FAM200B: variants seen among roughly 807,000 people sequenced by gnomAD.
The protein encoded by FAM200B is zinc finger BED-type containing 11.
In FAM200B, 32 loss-of-function variants were observed where a neutral mutation model predicts 33.1. That is an observed-to-expected ratio of 0.97 (90% confidence interval 0.73 to 1.30). The LOEUF is 1.30. FAM200B is among the 50% of genes most tolerant of loss of function. The probability of loss-of-function intolerance (pLI) is 0.00; values close to 1 mark genes in which losing one functional copy is unlikely to be tolerated. For missense variants in FAM200B, 741 were observed against 754.0 expected, an observed-to-expected ratio of 0.98 and a Z score of 0.20; for synonymous variants, 240 against 264.8, an observed-to-expected ratio of 0.91 and a Z score of 0.91.
At chr4:15,682,888 G>T (rs999298439) in intron 1 of FAM200B, among the ~76,000 whole-genome samples, 2 of 152,218 alleles carry the variant, frequency 1.3e-5, no homozygotes, top group Admixed American at 6.5e-5. Flanking sequence ...GTACTGAAAT[G>T]TAGAATGTAT....
chr4:15,663,649 T>G, the FAM200B span, among the ~76,000 whole-genome samples: 1 of 152,056 alleles, frequency 6.6e-6, no homozygotes, highest in South Asian at 2.1e-4. Context: ...TGGTGGAGAT[T>G]AAATGAGATT....
In FAM200B at chr4:15,686,942, A is replaced by G; in HGVS notation, c.-36A>G. On this transcript the variant is annotated 5_prime_UTR_variant, in exon 2 of 2. The change creates a new upstream start codon in the 5' untranslated region. Transcript: ENST00000422728. ...TCTTTTTTGAGTTAGTGCCAATTAT[A>G]ACATTTTAATCAAACTGGAACAAAT... 1 of 1,118,368 alleles carries G rather than the reference A, an allele frequency of 8.9e-7. No homozygotes were observed. Among genetic ancestry groups the G allele is most frequent in the Middle Eastern group, 2.4e-4 (1 of 4,182 alleles). The allele number at this position is 1,118,368 out of a possible 1,614,324, so 69.3% of individuals were successfully genotyped here. A position where few individuals can be genotyped will look rare whatever the true frequency, so the allele number is the denominator to read the frequency against.
upstream of FAM200B, chr4:15,681,489 C>A: frequency 6.1e-6 from 1 of 164,404 alleles, no homozygotes; most frequent in Non-Finnish European, 1.5e-5. Context: ...CCGGACTAGC[C>A]CTGTCCGCGC....
the FAM200B span, among the ~76,000 whole-genome samples, chr4:15,672,757 A>G: frequency 6.6e-6 from 1 of 152,178 alleles, no homozygotes; most frequent in African/African-American, 2.4e-5. Context: ...TATTTTTAAA[A>G]TGTTTTTCTT....
chr4:15,651,937 C>G, the FAM200B span, among the ~76,000 whole-genome samples: 12 of 152,130 alleles, frequency 7.9e-5, no homozygotes, highest in Non-Finnish European at 1.6e-4. Flanking sequence ...TGGAGCTGAC[C>G]GTGTAACTCC....
At chr4:15,653,555 T>G in the FAM200B span, among the ~76,000 whole-genome samples, 2 of 152,134 alleles carry the variant, frequency 1.3e-5, no homozygotes, top group African/African-American at 4.8e-5. Context: ...TAATTTCAGG[T>G]GATCCTAGGC....
chr4:15,652,327 T>G, the FAM200B span, among the ~76,000 whole-genome samples: 1 of 152,224 alleles, frequency 6.6e-6, no homozygotes, highest in Non-Finnish European at 1.5e-5. Context: ...ATCCTAACAA[T>G]GACTTGGGTT....
upstream of FAM200B, among the ~76,000 whole-genome samples, chr4:15,677,550 G>A (rs1206039112): frequency 2.0e-5 from 3 of 152,146 alleles, no homozygotes; most frequent in Admixed American, 6.5e-5. Flanking sequence ...TGGAGACTGA[G>A]TTCAAATAAG....
the FAM200B span, among the ~76,000 whole-genome samples, chr4:15,669,522 G>A: frequency 6.6e-6 from 1 of 151,856 alleles, no homozygotes; most frequent in Non-Finnish European, 1.5e-5. Context: ...TGGCAACAGA[G>A]ACCTTGTCTC....
chr4:15,678,347 T>G (rs1338721159), upstream of FAM200B, among the ~76,000 whole-genome samples: 1 of 152,210 alleles, frequency 6.6e-6, no homozygotes, highest in Non-Finnish European at 1.5e-5. Context: ...TACTCAGAAT[T>G]TGGCACATCA....
the FAM200B span, among the ~76,000 whole-genome samples, chr4:15,674,018 A>T: frequency 1.6e-3 from 245 of 152,306 alleles, 2 homozygotes; most frequent in Admixed American, 8.5e-4. Context: ...TCTGGCCTGT[A>T]TCAAACTTTT....
chr4:15,649,623 T>C, the FAM200B span, among the ~76,000 whole-genome samples: 1 of 145,064 alleles, frequency 6.9e-6, no homozygotes, highest in Admixed American at 6.8e-5. Flanking sequence ...ATAAACAGAA[T>C]ATACACAATT....
chr4:15,679,562 C>CAAAAA (rs1202369624), upstream of FAM200B, among the ~76,000 whole-genome samples: 2 of 94,400 alleles, frequency 2.1e-5, no homozygotes, highest in Non-Finnish European at 4.6e-5. Context: ...AGTTCAGGAA[C>CAAAAA]AAAAAAAAAA....
the FAM200B span, chr4:15,638,392 T>C: frequency 6.8e-6 from 4 of 584,720 alleles, no homozygotes; most frequent in Non-Finnish European, 1.1e-5. Context: ...TGCCTTTAAC[T>C]GACCACAGTG....
intron 1 of FAM200B, among the ~76,000 whole-genome samples, chr4:15,685,786 T>G (rs1718781387): frequency 6.6e-6 from 1 of 152,136 alleles, no homozygotes; most frequent in Non-Finnish European, 1.5e-5. Context: ...CCCAAAAAAT[T>G]TGAGATAATT....
upstream of FAM200B, among the ~76,000 whole-genome samples, chr4:15,680,693 AT>A (rs1475537694): frequency 1.3e-5 from 2 of 151,924 alleles, no homozygotes; most frequent in Non-Finnish European, 2.9e-5. Flanking sequence ...AAAAAAAAAA[AT>A]CCAGTTGGAG....
chr4:15,638,548 C>G, the FAM200B span: 1 of 1,598,908 alleles, frequency 6.3e-7, no homozygotes, highest in Non-Finnish European at 8.5e-7. Flanking sequence ...TAAAAAACTT[C>G]TGTCGCTCTT....
chr4:15,646,324 C>A, the FAM200B span, among the ~76,000 whole-genome samples: 1 of 151,666 alleles, frequency 6.6e-6, no homozygotes, highest in Non-Finnish European at 1.5e-5. Flanking sequence ...TTAAGCCACA[C>A]AAAAAACACA....
the FAM200B span, among the ~76,000 whole-genome samples, chr4:15,657,593 A>T: frequency 6.6e-6 from 1 of 152,262 alleles, no homozygotes; most frequent in African/African-American, 2.4e-5. Flanking sequence ...CACTTTGGAC[A>T]CTGGCCATTT....
Sources: gnomAD v4.1 joint callset for allele counts (sites outside exome capture counted in the v4.1 genomes callset) on GRCh38, gnomAD v4.1.1 for gene constraint, MANE v1.5 for transcripts, NCBI Gene and HGNC (gene_info 2026-07-23, HGNC 2026-07-21) for gene names.